ST7: variants seen among roughly 807,000 people sequenced by gnomAD.
ST7 encodes suppressor of tumorigenicity 7 protein.
A neutral mutation model predicts 78.7 loss-of-function variants in ST7; 28 were observed. The ratio of observed to expected loss-of-function variants is 0.36; its 90% confidence interval spans 0.26 to 0.49. ST7 has a LOEUF of 0.49. ST7 is among the 20% of genes least tolerant of loss of function. ST7 has a pLI of 0.99. For missense variants in ST7, 418 were observed against 696.0 expected (o/e 0.60, Z 4.49); for synonymous variants, 247 against 249.6 (o/e 0.99, Z 0.10).
chr7:117,207,488 ACTT>A (rs1228337256), intron 12 of ST7, among the ~76,000 whole-genome samples: 1 of 152,158 alleles, frequency 6.6e-6, no homozygotes, highest in African/African-American at 2.4e-5. Flanking sequence ...TACCAGGCCC[ACTT>A]CTTCTCAGGT....
At chr7:117,175,702 G>A (rs142374233) in intron 10 of ST7, among the ~76,000 whole-genome samples, 23 of 152,278 alleles carry the variant, frequency 1.5e-4, no homozygotes, top group Middle Eastern at 3.4e-3. Context: ...ATCACACAGC[G>A]GGTAATTTGT....
rs1400710117 is a variant in ST7 at position 117,202,254 on chromosome 7, G to C, written c.1255-7533G>C. ...TGGGATTACAGGCGTGAGCCACCGCGCCCGGCCTCGAAGCTATCTTGAGAG... is the reference window on the plus strand; with the variant it reads ...TGGGATTACAGGCGTGAGCCACCGCCCCCGGCCTCGAAGCTATCTTGAGAG... On this transcript the variant is annotated intron_variant, in intron 12 of 15. Transcript: ENST00000323984. Among the ~76,000 whole-genome samples the C allele has an allele frequency of 1.5e-4, 3 of 20,456 alleles. 1 individual carries two copies. The highest frequency in any genetic ancestry group is 1.2e-4 in the African/African-American group (1 of 8,464). The allele number at this position is 20,456 out of a possible 152,430, so 13.4% of individuals were successfully genotyped here. A position where few individuals can be genotyped will look rare whatever the true frequency, so the allele number is the denominator to read the frequency against.
chr7:117,089,779 C>G (rs1257751094), intron 1 of ST7, among the ~76,000 whole-genome samples: 2 of 152,028 alleles, frequency 1.3e-5, no homozygotes, highest in Non-Finnish European at 2.9e-5. Context: ...ACCATATTGG[C>G]CAGGCTGGTC....
intron 1 of ST7, among the ~76,000 whole-genome samples, chr7:117,048,499 C>A (rs77043641): frequency 4.6e-5 from 7 of 152,254 alleles, no homozygotes; most frequent in Non-Finnish European, 1.0e-4. Context: ...TGGAAGCACT[C>A]ATCTTTATCC....
chr7:117,156,310 T>A (rs1254908981), intron 9 of ST7, among the ~76,000 whole-genome samples: 1 of 152,138 alleles, frequency 6.6e-6, no homozygotes, highest in Non-Finnish European at 1.5e-5. Context: ...AAAGAAATGG[T>A]ATAATCAAGG....
At chr7:116,981,664 C>T (rs1407903609) in intron 1 of ST7, among the ~76,000 whole-genome samples, 1 of 152,186 alleles carries the variant, frequency 6.6e-6, no homozygotes, top group African/African-American at 2.4e-5. Flanking sequence ...GCTTAATGTA[C>T]AGTCATGTGT....
At chr7:117,011,776 T>C (rs969839790) in intron 1 of ST7, among the ~76,000 whole-genome samples, 7 of 152,130 alleles carry the variant, frequency 4.6e-5, no homozygotes, top group African/African-American at 1.4e-4. Context: ...GTGAACGTTA[T>C]ACGTTTTGGA....
At chr7:117,027,076 G>C (rs760313110) in intron 1 of ST7, among the ~76,000 whole-genome samples, 2 of 152,220 alleles carry the variant, frequency 1.3e-5, no homozygotes, top group Non-Finnish European at 2.9e-5. Context: ...CACTTCATCA[G>C]TGCAAATGTT....
intron 5 of ST7, 130 bp from the exon 6 acceptor site, chr7:117,131,755 C>A: frequency 1.2e-6 from 1 of 817,762 alleles, no homozygotes; most frequent in Non-Finnish European, 2.0e-6. Context: ...GAGATTTTGG[C>A]CAACCCTCTT....
At chr7:117,147,775 C>CT (rs1262591116) in intron 9 of ST7, among the ~76,000 whole-genome samples, 11 of 151,746 alleles carry the variant, frequency 7.2e-5, no homozygotes, top group Non-Finnish European at 1.6e-4. Flanking sequence ...TGTTTGTTGC[C>CT]TTTTTACCAT....
chr7:117,185,042 A>C (rs1334608587), intron 10 of ST7, among the ~76,000 whole-genome samples: 2 of 152,212 alleles, frequency 1.3e-5, no homozygotes, highest in Non-Finnish European at 2.9e-5. Flanking sequence ...CTCATGGAGC[A>C]GGCAGCCTAA....
intron 1 of ST7, among the ~76,000 whole-genome samples, chr7:117,083,348 G>A (rs1186022881): frequency 1.3e-5 from 2 of 152,112 alleles, no homozygotes; most frequent in South Asian, 4.1e-4. Context: ...TGCAACCTCC[G>A]CCTCTCTGGT....
At chr7:117,016,728 C>G (rs1329385034) in intron 1 of ST7, among the ~76,000 whole-genome samples, 1 of 152,118 alleles carries the variant, frequency 6.6e-6, no homozygotes, top group African/African-American at 2.4e-5. Context: ...ATTAAATTAC[C>G]TGTCTGATGT....
intron 10 of ST7, among the ~76,000 whole-genome samples, chr7:117,179,081 C>T (rs38867): frequency 0.13 from 19,144 of 152,074 alleles, 2,261 homozygotes; most frequent in African/African-American, 0.31. Flanking sequence ...AAATAGACAT[C>T]GAGATTAGAG....
At chr7:116,955,276 A>T (rs1392563006) in intron 1 of ST7, 3 of 342,630 alleles carry the variant, frequency 8.8e-6, no homozygotes, top group African/African-American at 2.2e-5. Context: ...TGCTGCTGTA[A>T]CAGAATACCA....
intron 1 of ST7, among the ~76,000 whole-genome samples, chr7:116,965,527 T>C (rs779017310): frequency 1.3e-5 from 2 of 152,170 alleles, no homozygotes; most frequent in Admixed American, 1.3e-4. Flanking sequence ...GGTATACCTA[T>C]GTAACAAACC....
intron 1 of ST7, among the ~76,000 whole-genome samples, chr7:117,029,539 C>T (rs1050218840): frequency 2.6e-5 from 4 of 151,922 alleles, no homozygotes; most frequent in African/African-American, 9.7e-5. Context: ...CTGTAGCTTT[C>T]CTTTTTATTT....
intron 9 of ST7, among the ~76,000 whole-genome samples, chr7:117,163,332 T>C (rs1042345093): frequency 1.3e-5 from 2 of 152,196 alleles, no homozygotes; most frequent in Non-Finnish European, 2.9e-5. Context: ...ATTCTATTTG[T>C]GGTTTTTTTG....
chr7:116,960,217 T>C (rs1792753122), intron 1 of ST7, among the ~76,000 whole-genome samples: 1 of 151,852 alleles, frequency 6.6e-6, no homozygotes, highest in Admixed American at 6.6e-5. Flanking sequence ...TAAGACAGAG[T>C]CTCGCTCTGT....
Sources: gnomAD v4.1 joint callset for allele counts (sites outside exome capture counted in the v4.1 genomes callset) on GRCh38, gnomAD v4.1.1 for gene constraint, MANE v1.5 for transcripts, NCBI Gene and HGNC (gene_info 2026-07-23, HGNC 2026-07-21) for gene names.